The following HECW1 variants were observed in gnomAD, a reference collection of about 807,000 sequenced individuals.
The protein encoded by HECW1 is HECT, C2 and WW domain containing E3 ubiquitin protein ligase 1.
Under a neutral mutation model 182.3 loss-of-function variants are expected in HECW1, and 61 were observed. The ratio of observed to expected loss-of-function variants is 0.33; its 90% confidence interval spans 0.27 to 0.41. The LOEUF is 0.41. Among genes scored for constraint, HECW1 ranks in the 10% least tolerant of loss-of-function variants. The pLI, the probability that HECW1 is intolerant of heterozygous loss-of-function variation, is 1.00. For synonymous variants in HECW1, 859 were observed against 832.6 expected, an observed-to-expected ratio of 1.03 and a Z score of -0.55; for missense variants, 1,739 against 2,108.9, an observed-to-expected ratio of 0.82 and a Z score of 3.44.
chr7:43,333,168 A>T (rs1811704983), intron 5 of HECW1, among the ~76,000 whole-genome samples: 1 of 152,234 alleles, frequency 6.6e-6, no homozygotes. Context: ...CCCTGGTATG[A>T]TAGGCAAGGA....
At chr7:43,238,149 A>G (rs1798554256) in intron 2 of HECW1, among the ~76,000 whole-genome samples, 1 of 152,214 alleles carries the variant, frequency 6.6e-6, no homozygotes, top group Admixed American at 6.5e-5. Context: ...GTGTTTGCCC[A>G]CCACAGATGT....
At chr7:43,206,186 C>T (rs1428445847) in intron 2 of HECW1, among the ~76,000 whole-genome samples, 1 of 152,190 alleles carries the variant, frequency 6.6e-6, no homozygotes, top group Non-Finnish European at 1.5e-5. Flanking sequence ...CTACCATGTG[C>T]ACTCACAAGG....
intron 11 of HECW1, among the ~76,000 whole-genome samples, chr7:43,450,324 C>T (rs1005174487): frequency 2.0e-5 from 3 of 152,122 alleles, no homozygotes; most frequent in Non-Finnish European, 4.4e-5. Flanking sequence ...GTCTTGGTAC[C>T]ATCTAAGAGT....
At chr7:43,355,818 G>A (rs1815055288) in intron 5 of HECW1, among the ~76,000 whole-genome samples, 1 of 151,830 alleles carries the variant, frequency 6.6e-6, no homozygotes, top group African/African-American at 2.4e-5. Flanking sequence ...GTGAAACCCT[G>A]TCTCTACTAA....
chr7:43,507,315 C>T lies in HECW1; in HGVS notation c.3752+58C>T, dbSNP rs566156486. On this transcript the variant is annotated intron_variant, in intron 22 of 29. Coordinates refer to ENST00000395891, the MANE Select transcript of HECW1 (RefSeq NM_015052.5). ...ACAGTAGATTTTTCAATCCCTTTCT[C>T]CCCTACACCCTTGTAATATTGTTTT... is the stretch of plus-strand genomic sequence containing the variant. 3.9e-6 allele frequency: 6 copies of T among 1,537,856 alleles called. No homozygotes were observed. In the South Asian group the frequency reaches 4.7e-5, roughly 12 times the overall value.
chr7:43,153,287 T>C (rs1246631049), intron 2 of HECW1, among the ~76,000 whole-genome samples: 1 of 152,222 alleles, frequency 6.6e-6, no homozygotes, highest in Non-Finnish European at 1.5e-5. Context: ...ACAGTGTTCT[T>C]CTGCTGTCTG....
At chr7:43,460,879 A>G (rs2077560821) in intron 13 of HECW1, among the ~76,000 whole-genome samples, 1 of 152,112 alleles carries the variant, frequency 6.6e-6, no homozygotes, top group East Asian at 1.9e-4. Context: ...GAGGCTGTTG[A>G]CTCAGTAAGG....
intron 6 of HECW1, among the ~76,000 whole-genome samples, chr7:43,372,544 CTTGT>C (rs1477046634): frequency 1.3e-5 from 2 of 151,992 alleles, no homozygotes; most frequent in East Asian, 3.9e-4. Flanking sequence ...TTTTTTTAGA[CTTGT>C]TTATGTTTTC....
chr7:43,149,291 T>C (rs556238499), intron 2 of HECW1, among the ~76,000 whole-genome samples: 1 of 152,348 alleles, frequency 6.6e-6, no homozygotes, highest in East Asian at 1.9e-4. Context: ...CCAGATATGA[T>C]GCACTGAGAA....
chr7:43,479,738 T>C lies in HECW1; in HGVS notation c.3228T>C (p.Ala1076=), dbSNP rs2304327. 187,790 of 1,613,632 alleles carry C rather than the reference T, an allele frequency of 0.12. 11,884 individuals are homozygous for C. The highest frequency in any genetic ancestry group is 0.19 in the Middle Eastern group (1,179 of 6,060). The part of the protein sequence containing the change: ...QHLQRLRSYS[A]GEASEVSRNR... ...TCCAGAGGCTCCGAAGTTACAGCGCTGGAGAGGTAACCCTCCCTACACCCC... is the reference window on the plus strand; with the variant it reads ...TCCAGAGGCTCCGAAGTTACAGCGCCGGAGAGGTAACCCTCCCTACACCCC... The change falls in exon 17 of 30, where the codon GCT becomes GCC. Residue 1076 remains alanine, a synonymous_variant. Coordinates refer to ENST00000395891, the MANE Select transcript of HECW1 (RefSeq NM_015052.5).
intron 3 of HECW1, among the ~76,000 whole-genome samples, chr7:43,259,858 C>T (rs755238507): frequency 2.0e-5 from 3 of 152,042 alleles, no homozygotes; most frequent in Non-Finnish European, 4.4e-5. Context: ...TAGTTGCAAT[C>T]CTAGAATAAT....
At chr7:43,263,719 G>A (rs570425854) in intron 3 of HECW1, among the ~76,000 whole-genome samples, 1 of 152,282 alleles carries the variant, frequency 6.6e-6, no homozygotes, top group African/African-American at 2.4e-5. Flanking sequence ...GAGAAGAAGG[G>A]AGGGAGGAAG....
At chr7:43,253,228 G>A (rs761095500) in intron 3 of HECW1, among the ~76,000 whole-genome samples, 1 of 152,164 alleles carries the variant, frequency 6.6e-6, no homozygotes, top group African/African-American at 2.4e-5. Context: ...CTTGAATGAG[G>A]ACAGTAACAG....
intron 13 of HECW1, among the ~76,000 whole-genome samples, chr7:43,460,237 C>T (rs147747815): frequency 3.3e-5 from 5 of 152,310 alleles, no homozygotes; most frequent in South Asian, 2.1e-4. Context: ...TTAGACATTG[C>T]GGTTCTAGGG....
intron 2 of HECW1, among the ~76,000 whole-genome samples, chr7:43,164,181 T>C (rs1203354696): frequency 6.6e-6 from 1 of 151,940 alleles, no homozygotes; most frequent in African/African-American, 2.4e-5. Context: ...GAAGTCAGAG[T>C]TGGCCCGAGT....
chr7:43,528,559 G>A (rs1563093385), intron 24 of HECW1, among the ~76,000 whole-genome samples: 1 of 152,174 alleles, frequency 6.6e-6, no homozygotes, highest in South Asian at 2.1e-4. Context: ...GCAATACTAA[G>A]TATGTTATTT....
Position 43,321,200 on chromosome 7 carries a change from C to T in HECW1, c.460+458C>T, listed in dbSNP as rs1810072107. 5.9e-5 allele frequency among the ~76,000 whole-genome samples: 9 copies of T among 152,156 alleles called. No individual in the cohort carries two copies. In the South Asian group the frequency reaches 1.9e-3, roughly 32 times the overall value. On this transcript the variant is annotated intron_variant, in intron 5 of 29. Transcript: ENST00000395891. ...GTGATTTTCCACATTTTGCTCTGACCTTTGGCTCTGGCCACAGCTCCCCCG... is the reference window on the plus strand; with the variant it reads ...GTGATTTTCCACATTTTGCTCTGACTTTTGGCTCTGGCCACAGCTCCCCCG...
At chr7:43,263,646 A>G (rs374731902) in intron 3 of HECW1, among the ~76,000 whole-genome samples, 5 of 152,294 alleles carry the variant, frequency 3.3e-5, no homozygotes, top group African/African-American at 1.2e-4. Flanking sequence ...GGCATAAGCC[A>G]CTGCTCCTGG....
chr7:43,292,008 A>G (rs1456690524), intron 3 of HECW1, among the ~76,000 whole-genome samples: 1 of 152,216 alleles, frequency 6.6e-6, no homozygotes, highest in Non-Finnish European at 1.5e-5. Flanking sequence ...GTCTCTAGTG[A>G]TTCAGGGTCA....
Sources: gnomAD v4.1 joint callset for allele counts (sites outside exome capture counted in the v4.1 genomes callset) on GRCh38, gnomAD v4.1.1 for gene constraint, MANE v1.5 for transcripts, NCBI Gene and HGNC (gene_info 2026-07-23, HGNC 2026-07-21) for gene names.